Variants in H1-8 observed in about 807,000 individuals in gnomAD.
H1-8 encodes the protein histone H1.8.
In H1-8, 13 loss-of-function variants were observed where a neutral mutation model predicts 19.5. That is an observed-to-expected ratio of 0.67 (90% CI 0.43 to 1.06). H1-8 has a LOEUF of 1.06. H1-8 is among the 50% of genes least tolerant of loss of function. The pLI, the probability that H1-8 is intolerant of heterozygous loss-of-function variation, is 0.00. For synonymous variants in H1-8, 193 were observed against 187.6 expected, an observed-to-expected ratio of 1.03 and a Z score of -0.24; for missense variants, 432 against 459.8, an observed-to-expected ratio of 0.94 and a Z score of 0.55.
intron 3 of H1-8, 146 bp downstream of exon 3, chr3:129,549,510 C>G: frequency 1.0e-6 from 1 of 957,606 alleles, no homozygotes; most frequent in Non-Finnish European, 1.5e-6. Flanking sequence ...AGAGAGAACT[C>G]ATGGTAGCTG....
intron 1 of H1-8, among the ~76,000 whole-genome samples, chr3:129,545,628 G>T (rs2084881397): frequency 6.6e-6 from 1 of 152,120 alleles, no homozygotes; most frequent in African/African-American, 2.4e-5. Flanking sequence ...CCACCAATCT[G>T]CTTTCTGCAT....
chr3:129,544,128 C>T (rs901296100), intron 1 of H1-8, among the ~76,000 whole-genome samples: 1 of 152,036 alleles, frequency 6.6e-6, no homozygotes, highest in African/African-American at 2.4e-5. Context: ...GAGAGGCAGC[C>T]CAGGCAGAGG....
At chr3:129,547,865 G>A (rs1464942661) in intron 2 of H1-8, among the ~76,000 whole-genome samples, 185 bp downstream of exon 2, 4 of 152,198 alleles carry the variant, frequency 2.6e-5, no homozygotes, top group Non-Finnish European at 4.4e-5. Context: ...AGCTCCCACT[G>A]CAAGAGTCAC....
At chr3:129,543,873 C>T (rs1167296468) in intron 1 of H1-8, among the ~76,000 whole-genome samples, 2 of 152,150 alleles carry the variant, frequency 1.3e-5, no homozygotes, top group Non-Finnish European at 2.9e-5. Context: ...TGGAGGAGCC[C>T]AGAGGAGTCC....
chr3:129,551,185 A>C lies in H1-8; in HGVS notation c.886A>C (p.Asn296His), dbSNP rs771601084. ...GGCCCCTAAAGCTGGGCAGGGGCCA[A>C]ACACCAAGGCTGCTGCTCCTGCTAA... The part of the protein sequence containing the change: ...AKAPKAGQGP[N>H]TKAAAPAKGS... The change falls in exon 5 of 5, where the codon AAC becomes CAC. Residue 296 changes from asparagine (N) to histidine (H), a missense_variant. Coordinates refer to ENST00000324382, the MANE Select transcript of H1-8 (RefSeq NM_153833.3). 1 of 1,614,256 alleles carries C rather than the reference A, an allele frequency of 6.2e-7. No homozygotes were observed. The highest frequency in any genetic ancestry group is 1.1e-5 in the South Asian group (1 of 91,092).
Position 129,547,383 on chromosome 3 carries a change from C to T in H1-8, c.89-8C>T. ...GGCCCCGGGTGATGGCCTGCCATCT[C>T]TCCTCAGGCCCGAGCCACGGCGGTG... On this transcript the variant is annotated splice_polypyrimidine_tract_variant and splice_region_variant and intron_variant, in intron 1 of 4. Coordinates refer to ENST00000324382, the MANE Select transcript of H1-8 (RefSeq NM_153833.3). 6.7e-7 allele frequency: 1 copy of T among 1,482,068 alleles called. No homozygotes were observed. The highest frequency in any genetic ancestry group is 8.9e-7 in the Non-Finnish European group (1 of 1,120,220). The allele number at this position is 1,482,068 out of a possible 1,614,324, so 91.8% of individuals were successfully genotyped here.
Position 129,550,781 on chromosome 3 carries a change from G to A in H1-8, c.779G>A (p.Ser260Asn). ...GCCTACAGGAAAACCAAAGCTGAGAGTAAGAGTTCAAAACCCACGGCCAGC... is the reference window on the plus strand; with the variant it reads ...GCCTACAGGAAAACCAAAGCTGAGAATAAGAGTTCAAAACCCACGGCCAGC... The part of the protein sequence containing the change: ...AEAYRKTKAE[S>N]KSSKPTASKV... Residue 260 changes from serine (S) to asparagine (N), a missense_variant, in exon 4 of 5, where the codon AGT becomes AAT. By Grantham distance (46) the Ser-to-Asn change is conservative. Transcript: ENST00000324382. The A allele has an allele frequency of 3.1e-6, 5 of 1,614,054 alleles. No individual in the cohort carries two copies. The highest frequency in any genetic ancestry group is 4.2e-6 in the Non-Finnish European group (5 of 1,179,962).
intron 2 of H1-8, chr3:129,548,432 G>A (rs960591875): frequency 1.0e-6 from 1 of 987,100 alleles, no homozygotes; most frequent in Non-Finnish European, 1.2e-6. Context: ...GAGCCAGAGG[G>A]GCGTCAGGTG....
intron 1 of H1-8, among the ~76,000 whole-genome samples, chr3:129,545,924 G>A (rs780999743): frequency 7.9e-5 from 12 of 152,108 alleles, no homozygotes; most frequent in Admixed American, 3.9e-4. Flanking sequence ...GTGGACATGC[G>A]TTTTCATTTC....
chr3:129,546,096 G>A (rs1266609154), intron 1 of H1-8, among the ~76,000 whole-genome samples: 1 of 150,214 alleles, frequency 6.7e-6, no homozygotes, highest in Non-Finnish European at 1.5e-5. Context: ...GAGCAATGTA[G>A]TGAGACCTGT....
chr3:129,548,546 C>T (rs1009068548), intron 2 of H1-8: 1 of 944,200 alleles, frequency 1.1e-6, no homozygotes, highest in Non-Finnish European at 1.3e-6. Context: ...TTGCCAGGAG[C>T]CCTCCCTTCC....
chr3:129,544,150 G>A (rs1454032197), intron 1 of H1-8, among the ~76,000 whole-genome samples: 1 of 152,182 alleles, frequency 6.6e-6, no homozygotes, highest in Non-Finnish European at 1.5e-5. Context: ...AACGGCATGG[G>A]CTAAGGCCCA....
At chr3:129,543,923 G>A (rs1003687454) in intron 1 of H1-8, among the ~76,000 whole-genome samples, 5 of 152,196 alleles carry the variant, frequency 3.3e-5, no homozygotes, top group African/African-American at 9.6e-5. Context: ...CTTCCTAGAA[G>A]AGGTGACCCT....
chr3:129,547,850 C>T (rs1304553736), intron 2 of H1-8, among the ~76,000 whole-genome samples, 170 bp downstream of exon 2: 1 of 152,228 alleles, frequency 6.6e-6, no homozygotes, highest in African/African-American at 2.4e-5. Flanking sequence ...AGTGTGCCCT[C>T]TCTGAGCTCC....
chr3:129,547,809 C>A, intron 2 of H1-8, 129 bp downstream of exon 2: 2 of 838,536 alleles, frequency 2.4e-6, no homozygotes, highest in Non-Finnish European at 3.6e-6. Flanking sequence ...GTGGTCTCAG[C>A]CGAGATGCCC....
chr3:129,551,319 C>G lies in H1-8; in HGVS notation c.1020C>G (p.Ser340=), dbSNP rs201532975. The part of the protein sequence containing the change: ...LPIKASSSKV[S]SQRAEA ...TCAAGGCCTCATCATCCAAAGTGTC[C>G]AGCCAGAGGGCTGAAGCTTAGGGCC... The change falls in exon 5 of 5, where the codon TCC becomes TCG. Residue 340 remains serine (S), a synonymous_variant. Transcript: ENST00000324382. The G allele has an allele frequency of 1.9e-5, 30 of 1,613,272 alleles. No homozygotes were observed. Among genetic ancestry groups the G allele is most frequent in the Non-Finnish European group, 2.5e-5 (29 of 1,179,764 alleles).
chr3:129,547,696 G>A lies in H1-8; in HGVS notation c.378+16G>A, dbSNP rs200951625. On this transcript the variant is annotated intron_variant, in intron 2 of 4. Transcript: ENST00000324382. The stretch of plus-strand genomic sequence containing the variant: ...CAGCTTCAAAGTAAGCGCCCCTGAG[G>A]GAGGACATAGCCCAGGGTTGGAGCA... The A allele has an allele frequency of 2.6e-6, 4 of 1,529,890 alleles. No homozygotes were observed. Among genetic ancestry groups the A allele is most frequent in the Non-Finnish European group, 3.5e-6 (4 of 1,143,300 alleles). 94.8% of individuals were successfully genotyped at this position (1,529,890 alleles called of 1,614,324 possible). A position where few individuals can be genotyped will look rare whatever the true frequency, so the allele number is the denominator to read the frequency against.
chr3:129,546,162 A>AATG (rs1472231628), intron 1 of H1-8, among the ~76,000 whole-genome samples: 104 of 141,626 alleles, frequency 7.3e-4, no homozygotes, highest in African/African-American at 2.4e-3. Context: ...TAATAATGAT[A>AATG]ATAATACAAA....
intron 3 of H1-8, among the ~76,000 whole-genome samples, chr3:129,549,907 T>G (rs757405480): frequency 6.6e-6 from 1 of 151,926 alleles, no homozygotes; most frequent in Middle Eastern, 3.2e-3. Context: ...TGAGCCGAGA[T>G]CGCACCACTG....
Sources: allele counts gnomAD v4.1 joint callset (sites outside exome capture counted in the v4.1 genomes callset), GRCh38; gene constraint gnomAD v4.1.1; transcripts MANE v1.5; gene names NCBI Gene and HGNC (gene_info 2026-07-23, HGNC 2026-07-21).